Variants in MYO5C observed in about 807,000 individuals in gnomAD.
The protein encoded by MYO5C is myosin VC.
Under a neutral mutation model 235.7 loss-of-function variants are expected in MYO5C, and 194 were observed. That is an observed-to-expected ratio of 0.82 (90% CI 0.73 to 0.93). The LOEUF (loss-of-function observed/expected upper bound fraction) is 0.93, where lower values mean the gene tolerates loss of function less well. Among genes scored for constraint, MYO5C ranks in the 40% least tolerant of loss-of-function variants. The pLI, the probability that MYO5C is intolerant of heterozygous loss-of-function variation, is 0.00. For synonymous variants in MYO5C, 707 were observed against 754.8 expected (o/e 0.94, Z 1.04); for missense variants, 2,038 against 2,127.2 (o/e 0.96, Z 0.82).
chr15:52,255,195 A>G (rs2140812149), intron 11 of MYO5C, among the ~76,000 whole-genome samples: 1 of 152,356 alleles, frequency 6.6e-6, no homozygotes, highest in East Asian at 1.9e-4. Flanking sequence ...ACAAGGAAAC[A>G]GAGGCTCAGA....
chr15:52,273,252 G>T (rs982439070), intron 5 of MYO5C, among the ~76,000 whole-genome samples: 2 of 152,230 alleles, frequency 1.3e-5, no homozygotes, highest in Admixed American at 6.5e-5. Context: ...GAGCCCAGGA[G>T]TTGGAGGCTG....
At chr15:52,260,521 G>A (rs2036671231) in intron 10 of MYO5C, among the ~76,000 whole-genome samples, 1 of 152,208 alleles carries the variant, frequency 6.6e-6, no homozygotes, top group Non-Finnish European at 1.5e-5. Context: ...CGAAGTTATT[G>A]AGTCTTTCTA....
chr15:52,247,000 C>T lies in MYO5C; in HGVS notation c.1896G>A (p.Leu632=), dbSNP rs761521048. The T allele has an allele frequency of 1.2e-6, 2 of 1,613,368 alleles. No homozygotes were observed. The highest frequency in any genetic ancestry group is 1.3e-5 in the African/African-American group (1 of 74,880). Reference sequence around the variant, plus strand: ...CATTGAGGGTCTCCATGAGCAAGTACAGAGAGCTGCGGAACTAGGAAACAA... The same window carrying T: ...CATTGAGGGTCTCCATGAGCAAGTATAGAGAGCTGCGGAACTAGGAAACAA... ...TTVGSKFRSS[L]YLLMETLNAT... is the part of the protein sequence containing the mutation. The change falls in exon 16 of 41, where the codon CTG becomes CTA. Residue 632 remains leucine (L), a synonymous_variant. Transcript: ENST00000261839.
At chr15:52,229,000 G>A (rs1053180890) in intron 25 of MYO5C, 133 bp downstream of exon 25, 7 of 949,506 alleles carry the variant, frequency 7.4e-6, no homozygotes, top group African/African-American at 6.5e-5. Context: ...ACAGTTGGAA[G>A]GACTGAAGGA....
In MYO5C at chr15:52,225,092, A is replaced by C; in HGVS notation, c.3348T>G (p.Ile1116Met). 1.2e-6 allele frequency: 2 copies of C among 1,614,104 alleles called. No homozygotes were observed. Among genetic ancestry groups the C allele is most frequent in the African/African-American group, 2.7e-5 (2 of 75,044 alleles). Residue 1116 changes from isoleucine (I) to methionine (M), a missense_variant, in exon 27 of 41, where the codon ATT becomes ATG. By Grantham distance (10) the Ile-to-Met change is conservative. Transcript: ENST00000261839. The part of the protein sequence containing the change: ...ITKQLLESYD[I>M]EDVRSRLSVE... ...ATGATTACCTGCTTCTTACATCTTC[A>C]ATGTCATAGCTTTCGAGAAGTTGTT...
In MYO5C at chr15:52,193,620, A is replaced by G. The variant is rs2034982834; in HGVS notation, c.*282T>C. On this transcript the variant is annotated 3_prime_UTR_variant, in exon 41 of 41. Coordinates refer to ENST00000261839, the MANE Select transcript of MYO5C (RefSeq NM_018728.4). ...CACAAGACAGAACAGATCAAGAGGC[A>G]CGTGGAAGAAAATATGAGCCCTCCA... The G allele has an allele frequency of 2.7e-6, 1 of 364,868 alleles. No homozygotes were observed. Among genetic ancestry groups the G allele is most frequent in the African/African-American group, 2.2e-5 (1 of 45,860 alleles). 22.6% of individuals were successfully genotyped at this position (364,868 alleles called of 1,614,324 possible).
intron 16 of MYO5C, 51 bp downstream of exon 16, chr15:52,246,866 G>T: frequency 6.8e-7 from 1 of 1,470,894 alleles, no homozygotes; most frequent in Non-Finnish European, 9.4e-7. Flanking sequence ...CAACTTTATG[G>T]CAGAAACTGC....
chr15:52,295,512 CGCAGGTGTG>C (rs1338116237), intron 1 of MYO5C, 89 bp downstream of exon 1: 2 of 1,372,668 alleles, frequency 1.5e-6, no homozygotes, highest in South Asian at 1.4e-5. Context: ...GTGTCAGGTG[CGCAGGTGTG>C]GCAGGTGTGG....
In MYO5C at chr15:52,244,340, C is replaced by T; in HGVS notation, c.2390+16G>A. The T allele has an allele frequency of 6.2e-7, 1 of 1,608,838 alleles. No individual in the cohort carries two copies. Among genetic ancestry groups the T allele is most frequent in the Non-Finnish European group, 8.5e-7 (1 of 1,177,016 alleles). ...AAGCCCCACAGTTCCACATGTGTTC[C>T]TTGATTCCAACATACCTCACAGTTT... is the stretch of plus-strand genomic sequence containing the variant. On this transcript the variant is annotated intron_variant, in intron 19 of 40. Coordinates refer to ENST00000261839, the MANE Select transcript of MYO5C (RefSeq NM_018728.4).
rs1399077918 is a variant in MYO5C, at chr15:52,247,532, T to C, written c.1807A>G (p.Met603Val). 7 of 1,614,158 alleles carry C rather than the reference T, an allele frequency of 4.3e-6. No homozygotes were observed. Among genetic ancestry groups the C allele is most frequent in the East Asian group, 2.2e-5 (1 of 44,882 alleles). ...TGCTTTGCAGATTTAACTGTAATCA[T>C]TGAACCAAAAGGAGAAGGAGGAGTT... Reference protein sequence around the residue: ...NPTPPSPFGSMITVKSAKQVI... With the variant: ...NPTPPSPFGSVITVKSAKQVI... Residue 603 changes from methionine (M) to valine (V), a missense_variant, in exon 15 of 41, where the codon ATG becomes GTG. Met to Val is a conservative substitution (Grantham distance 21). Coordinates refer to ENST00000261839, the MANE Select transcript of MYO5C (RefSeq NM_018728.4).
intron 1 of MYO5C, among the ~76,000 whole-genome samples, chr15:52,286,977 T>TAACC (rs1555421610): frequency 7.2e-6 from 1 of 139,836 alleles, no homozygotes; most frequent in African/African-American, 2.6e-5. Context: ...AAAGAAAAAC[T>TAACC]AACAAACAAA....
Position 52,256,689 on chromosome 15 carries a change from G to A in MYO5C, c.1345C>T (p.Gln449Ter), listed in dbSNP as rs775779442. 1.2e-6 allele frequency: 2 copies of A among 1,610,530 alleles called. No homozygotes were observed. The highest frequency in any genetic ancestry group is 1.7e-6 in the Non-Finnish European group (2 of 1,178,418). ...TCATTAGCGTAATTGATGCAAAATT[G>A]TTCAAAGCTGTTCACATCAAAGGTT... Reference protein sequence around the residue: ...FETFDVNSFEQFCINYANEKL... With the variant: ...FETFDVNSFE Residue 449 changes from glutamine to a stop codon, truncating the protein, a stop_gained, in exon 11 of 41, where the codon CAA (glutamine) becomes TAA (stop). Coordinates refer to ENST00000261839, the MANE Select transcript of MYO5C (RefSeq NM_018728.4). LOFTEE classifies it high-confidence loss of function.
chr15:52,197,216 C>T (rs929881541), intron 38 of MYO5C, among the ~76,000 whole-genome samples: 3 of 152,184 alleles, frequency 2.0e-5, no homozygotes, highest in Admixed American at 6.5e-5. Flanking sequence ...TCATAATAGC[C>T]CAAAAGTGAA....
At chr15:52,268,122 C>G (rs2036849709) in intron 8 of MYO5C, among the ~76,000 whole-genome samples, 1 of 152,210 alleles carries the variant, frequency 6.6e-6, no homozygotes, top group Non-Finnish European at 1.5e-5. Flanking sequence ...TCTCCATTAT[C>G]CAGCTGTGAT....
At chr15:52,219,721 C>A (rs768174097) in intron 31 of MYO5C, 38 bp downstream of exon 31, 3 of 1,516,008 alleles carry the variant, frequency 2.0e-6, no homozygotes, top group African/African-American at 1.4e-5. Flanking sequence ...AAGCATTACA[C>A]GAGCATGAAC....
intron 35 of MYO5C, 60 bp downstream of exon 35, chr15:52,211,670 G>A: frequency 6.5e-7 from 1 of 1,545,142 alleles, no homozygotes; most frequent in East Asian, 2.3e-5. Flanking sequence ...GGCAAAGACT[G>A]GGCATCTGGT....
chr15:52,238,566 G>A (rs990632728), intron 21 of MYO5C, among the ~76,000 whole-genome samples: 3 of 152,176 alleles, frequency 2.0e-5, no homozygotes, highest in Non-Finnish European at 2.9e-5. Context: ...TGAGTTTTAC[G>A]GATCTAGACA....
chr15:52,290,852 A>G (rs2037373871), intron 1 of MYO5C, among the ~76,000 whole-genome samples: 1 of 151,828 alleles, frequency 6.6e-6, no homozygotes, highest in South Asian at 2.1e-4. Flanking sequence ...GATAAATGTA[A>G]AGTCTGTATT....
intron 1 of MYO5C, among the ~76,000 whole-genome samples, chr15:52,293,450 T>C (rs1321166884): frequency 6.6e-6 from 1 of 151,754 alleles, no homozygotes; most frequent in African/African-American, 2.4e-5. Context: ...CCTCCCACCC[T>C]GCAAGGCACC....
Sources: allele counts gnomAD v4.1 joint callset (sites outside exome capture counted in the v4.1 genomes callset), GRCh38; gene constraint gnomAD v4.1.1; transcripts MANE v1.5; gene names NCBI Gene and HGNC (gene_info 2026-07-23, HGNC 2026-07-21).